Variants in ABCA4 observed in about 807,000 individuals in gnomAD.
ABCA4 encodes the protein ATP binding cassette subfamily A member 4, also known as retinal-specific phospholipid-transporting ATPase ABCA4.
Under a neutral mutation model 263.7 loss-of-function variants are expected in ABCA4, and 196 were observed. The ratio of observed to expected loss-of-function variants is 0.74; its 90% CI spans 0.66 to 0.84. The LOEUF (loss-of-function observed/expected upper bound fraction) is 0.84. Among genes scored for constraint, ABCA4 ranks in the 40% least tolerant of loss-of-function variants. The probability of loss-of-function intolerance (pLI) is 0.00; values close to 1 mark genes in which losing one functional copy is unlikely to be tolerated. For missense variants in ABCA4, 2,792 were observed against 2,855.1 expected (o/e 0.98, Z 0.50); for synonymous variants, 1,133 against 1,094.2 (o/e 1.04, Z -0.70).
At chr1:94,019,493 C>T (rs1200726491) in intron 36 of ABCA4, 89 bp downstream of exon 36, 6 of 1,438,172 alleles carry the variant, frequency 4.2e-6, no homozygotes, top group South Asian at 1.3e-5. Context: ...CGTGAGAACC[C>T]CTCCCCTCTT....
In ABCA4 at chr1:94,029,481, C is replaced by G. The variant is rs143272984; in HGVS notation, c.4503G>C (p.Glu1501Asp). ...GGAGGCCCCCGGCACCCTCGGGGCA[C>G]TCTGGCAGCATGGTGAGCTTCTCCC... is the stretch of plus-strand genomic sequence containing the variant. The part of the protein sequence containing the change: ...STREKLTMLP[E>D]CPEGAGGLPP... The change falls in exon 30 of 50, where the codon GAG (glutamate) becomes GAC (aspartate). Residue 1501 changes from glutamate to aspartate, a missense_variant. Glu to Asp is a conservative substitution (Grantham distance 45). Transcript: ENST00000370225. 875 of 1,581,126 alleles carry G rather than the reference C, an allele frequency of 5.5e-4. 3 individuals carry two copies. In the African/African-American group the frequency reaches 0.011, roughly 19 times the overall value.
intron 11 of ABCA4, among the ~76,000 whole-genome samples, chr1:94,072,859 C>T (rs1422540709): frequency 1.3e-5 from 2 of 152,128 alleles, no homozygotes; most frequent in Non-Finnish European, 2.9e-5. Flanking sequence ...GGGAGGGGAT[C>T]AGAGGAAAGA....
intron 6 of ABCA4, among the ~76,000 whole-genome samples, chr1:94,094,244 A>T (rs983165701): frequency 7.9e-5 from 12 of 152,192 alleles, no homozygotes; most frequent in Non-Finnish European, 1.8e-4. Context: ...CAACTGTGGC[A>T]ACTCTCACTG....
At chr1:94,111,752 T>C (rs1348453077) in intron 2 of ABCA4, among the ~76,000 whole-genome samples, 173 bp from the exon 3 acceptor site, 1 of 152,158 alleles carries the variant, frequency 6.6e-6, no homozygotes, top group Non-Finnish European at 1.5e-5. Context: ...TGCTGGGTGC[T>C]AGAGACATGG....
chr1:94,019,794 T>C, intron 35 of ABCA4, 35 bp from the exon 36 acceptor site: 1 of 1,595,982 alleles, frequency 6.3e-7, no homozygotes. Flanking sequence ...GAGAGGGCGA[T>C]GAAGAGGGAA....
chr1:94,079,576 T>C, intron 8 of ABCA4, 115 bp from the exon 9 acceptor site: 1 of 1,475,498 alleles, frequency 6.8e-7, no homozygotes, highest in Non-Finnish European at 9.4e-7. Context: ...GAGGATTTGA[T>C]GAATAACCTA....
intron 14 of ABCA4, 66 bp from the exon 15 acceptor site, chr1:94,056,888 A>G: frequency 7.6e-7 from 1 of 1,316,920 alleles, no homozygotes; most frequent in Non-Finnish European, 1.1e-6. Flanking sequence ...ATTCTGCCCT[A>G]AAGGGCTCTC....
intron 45 of ABCA4, chr1:94,001,628 A>C: frequency 4.4e-6 from 3 of 683,694 alleles, no homozygotes; most frequent in East Asian, 3.0e-5. Context: ...CATCCTGGGA[A>C]CGCAGGATGT....
intron 13 of ABCA4, chr1:94,061,429 AC>A (rs971262249): frequency 1.9e-5 from 3 of 154,622 alleles, no homozygotes; most frequent in African/African-American, 7.2e-5. Flanking sequence ...TTTCTTGTGA[AC>A]TTTACACGTT....
intron 6 of ABCA4, among the ~76,000 whole-genome samples, chr1:94,087,389 A>C (rs185548021): frequency 6.6e-6 from 1 of 152,336 alleles, no homozygotes; most frequent in East Asian, 1.9e-4. Context: ...TCTATGCAAT[A>C]TTGCTAAAAG....
At chr1:94,012,089 G>A (rs550641323) in intron 38 of ABCA4, among the ~76,000 whole-genome samples, 14 of 152,288 alleles carry the variant, frequency 9.2e-5, no homozygotes, top group Admixed American at 4.6e-4. Flanking sequence ...AAGGGACATC[G>A]AGGCGTACGA....
At chr1:94,016,546 G>A (rs1659751461) in intron 36 of ABCA4, among the ~76,000 whole-genome samples, 2 of 152,170 alleles carry the variant, frequency 1.3e-5, no homozygotes, top group South Asian at 2.1e-4. Flanking sequence ...GTTGGGCACT[G>A]TTCAGGTGTA....
At chr1:93,996,242 C>G in intron 48 of ABCA4, 47 bp from the exon 49 acceptor site, 1 of 1,407,558 alleles carries the variant, frequency 7.1e-7, no homozygotes. Context: ...TCCAGGAAAA[C>G]AGCACCCTAC....
At chr1:94,056,512 C>A in intron 15 of ABCA4, 89 bp downstream of exon 15, 1 of 1,383,288 alleles carries the variant, frequency 7.2e-7, no homozygotes, top group South Asian at 1.2e-5. Flanking sequence ...AAAGTGGACC[C>A]CCTCAGAGGG....
At chr1:94,010,429 G>C (rs1412734407) in intron 40 of ABCA4, among the ~76,000 whole-genome samples, 2 of 152,168 alleles carry the variant, frequency 1.3e-5, no homozygotes, top group African/African-American at 4.8e-5. Context: ...GGGGCCTGCT[G>C]TGTCCTTTCT....
intron 32 of ABCA4, among the ~76,000 whole-genome samples, chr1:94,022,486 G>C (rs549416517): frequency 6.6e-6 from 1 of 152,044 alleles, no homozygotes; most frequent in Non-Finnish European, 1.5e-5. Context: ...CTACCTCTCG[G>C]GGCTTCTGTG....
intron 24 of ABCA4, among the ~76,000 whole-genome samples, chr1:94,038,936 T>C (rs1660415988): frequency 6.6e-6 from 1 of 152,198 alleles, no homozygotes; most frequent in Non-Finnish European, 1.5e-5. Flanking sequence ...AGCATCCCGA[T>C]TCTATACAAA....
intron 6 of ABCA4, among the ~76,000 whole-genome samples, chr1:94,096,841 G>A (rs1484840840): frequency 6.6e-6 from 1 of 152,184 alleles, no homozygotes; most frequent in Non-Finnish European, 1.5e-5. Context: ...TCATGGTGAC[G>A]AGAGGATTGC....
chr1:94,103,255 T>G, intron 4 of ABCA4, 113 bp from the exon 5 acceptor site: 1 of 1,395,510 alleles, frequency 7.2e-7, no homozygotes, highest in Admixed American at 1.7e-5. Flanking sequence ...AGGAAGGTTC[T>G]GTTCTTGGGG....
Sources: allele counts gnomAD v4.1 joint callset (sites outside exome capture counted in the v4.1 genomes callset), GRCh38; gene constraint gnomAD v4.1.1; transcripts MANE v1.5; gene names NCBI Gene and HGNC (gene_info 2026-07-23, HGNC 2026-07-21).